The following GEMIN2 variants were observed in gnomAD, a reference collection of about 807,000 sequenced individuals.
GEMIN2 encodes gem-associated protein 2.
Under a neutral mutation model 45.8 loss-of-function variants are expected in GEMIN2, and 37 were observed. That is an observed-to-expected ratio of 0.81 (90% CI 0.62 to 1.06). The LOEUF (loss-of-function observed/expected upper bound fraction) is 1.06. GEMIN2 is among the 50% of genes least tolerant of loss of function. The pLI is 0.00. For synonymous variants in GEMIN2, 101 were observed against 111.5 expected (o/e 0.91, Z 0.60); for missense variants, 335 against 321.8 (o/e 1.04, Z -0.31).
intron 7 of GEMIN2, 137 bp downstream of exon 7, chr14:39,128,485 CTTTTTT>C (rs71130820): frequency 0.012 from 1,769 of 148,378 alleles, 3 homozygotes; most frequent in Middle Eastern, 0.015. Flanking sequence ...TTTTTCTTTT[CTTTTTT>C]TTTTTTTTTT....
intron 9 of GEMIN2, 67 bp downstream of exon 9, chr14:39,133,786 AC>A: frequency 1.1e-6 from 1 of 918,946 alleles, no homozygotes; most frequent in South Asian, 1.7e-5. Context: ...CGTATTTATT[AC>A]ATTTGGTTTT....
At chr14:39,125,098 ATTG>A in intron 6 of GEMIN2, 62 bp downstream of exon 6, 1 of 827,622 alleles carries the variant, frequency 1.2e-6, no homozygotes, top group Non-Finnish European at 2.1e-6. Flanking sequence ...AAGTATTTGA[ATTG>A]TTAATACATA....
chr14:39,128,972 C>G (rs1344287585), intron 7 of GEMIN2, among the ~76,000 whole-genome samples: 1 of 152,102 alleles, frequency 6.6e-6, no homozygotes, highest in Non-Finnish European at 1.5e-5. Context: ...TAGATCTGGC[C>G]AGGCACAGTG....
At chr14:39,114,949 C>G (rs2052482059) in intron 2 of GEMIN2, 36 bp downstream of exon 2, 1 of 937,734 alleles carries the variant, frequency 1.1e-6, no homozygotes, top group Non-Finnish European at 1.8e-6. Context: ...TTACCCCCAA[C>G]CCCCCAATTA....
At chr14:39,122,606 A>T in intron 5 of GEMIN2, 63 bp downstream of exon 5, 1 of 820,216 alleles carries the variant, frequency 1.2e-6, no homozygotes, top group Non-Finnish European at 2.0e-6. Context: ...ACTTAATATA[A>T]GGGGTCAGCA....
At chr14:39,121,106 T>C (rs905250334) in intron 4 of GEMIN2, among the ~76,000 whole-genome samples, 1 of 152,212 alleles carries the variant, frequency 6.6e-6, no homozygotes, top group Non-Finnish European at 1.5e-5. Flanking sequence ...CATGTCTCTT[T>C]ACATGGGATA....
chr14:39,118,621 A>C (rs1369732975), intron 4 of GEMIN2, 22 bp downstream of exon 4: 3 of 1,105,714 alleles, frequency 2.7e-6, no homozygotes, highest in South Asian at 2.5e-5. Flanking sequence ...TCTCAGTTTT[A>C]AGATGTACAA....
Position 39,122,538 on chromosome 14 carries a change from G to A in GEMIN2, c.481G>A (p.Val161Ile). 1.4e-6 allele frequency: 2 copies of A among 1,466,652 alleles called. No homozygotes were observed. Among genetic ancestry groups the A allele is most frequent in the Non-Finnish European group, 9.5e-7 (1 of 1,049,214 alleles). 90.9% of individuals were successfully genotyped at this position (1,466,652 alleles called of 1,614,324 possible). A position where few individuals can be genotyped will look rare whatever the true frequency, so the allele number is the denominator to read the frequency against. Residue 161 changes from valine (V) to isoleucine (I), a missense_variant, in exon 5 of 10, where the codon GTA becomes ATA. Transcript: ENST00000308317. ...AAATGAAAGTCCTGGAATAGATTAT[G>A]TACAAGTAAGGGCTGTGTGGATAAA... ...ATNESPGIDY[V>I]QIGFPPLLSI...
At chr14:39,116,448 G>A (rs1158428766) in intron 2 of GEMIN2, among the ~76,000 whole-genome samples, 14 of 130,942 alleles carry the variant, frequency 1.1e-4, no homozygotes, top group Admixed American at 4.0e-4. Context: ...TCAGAGTCTC[G>A]CTCTGTCGCC....
At chr14:39,123,550 G>A (rs1215247790) in intron 5 of GEMIN2, among the ~76,000 whole-genome samples, 7 of 151,100 alleles carry the variant, frequency 4.6e-5, no homozygotes, top group Non-Finnish European at 7.4e-5. Context: ...CAAGAGCTGG[G>A]GAAACAAGCA....
intron 2 of GEMIN2, among the ~76,000 whole-genome samples, chr14:39,117,126 GC>G (rs1270774003): frequency 1.3e-5 from 2 of 151,986 alleles, no homozygotes; most frequent in East Asian, 3.9e-4. Flanking sequence ...TACAAAATTA[GC>G]CGGGTGTGGT....
intron 2 of GEMIN2, among the ~76,000 whole-genome samples, chr14:39,115,456 CTTTTTTTTTTT>C (rs35142656): frequency 1.6e-5 from 2 of 123,868 alleles, no homozygotes; most frequent in South Asian, 2.5e-4. Context: ...ATGTCTTACA[CTTTTTTTTTTT>C]TTTTTTTTGA....
chr14:39,118,955 T>C (rs1186163082), intron 4 of GEMIN2, among the ~76,000 whole-genome samples: 1 of 151,810 alleles, frequency 6.6e-6, no homozygotes, highest in Non-Finnish European at 1.5e-5. Context: ...TTAAAATTTT[T>C]TGTAGAGACA....
chr14:39,123,676 T>C (rs2052602137), intron 5 of GEMIN2, among the ~76,000 whole-genome samples: 1 of 126,526 alleles, frequency 7.9e-6, no homozygotes, highest in African/African-American at 3.0e-5. Context: ...ATGCTACATT[T>C]CAAAAATAGC....
At chr14:39,123,010 T>C (rs1045334404) in intron 5 of GEMIN2, among the ~76,000 whole-genome samples, 1 of 152,198 alleles carries the variant, frequency 6.6e-6, no homozygotes, top group African/African-American at 2.4e-5. Flanking sequence ...AATTAGATGC[T>C]TTAAAATGCA....
intron 7 of GEMIN2, among the ~76,000 whole-genome samples, chr14:39,129,752 G>C (rs535985219): frequency 1.3e-5 from 2 of 151,272 alleles, no homozygotes; most frequent in South Asian, 4.2e-4. Context: ...ATGTGTGTGT[G>C]TGTGTATATA....
intron 2 of GEMIN2, among the ~76,000 whole-genome samples, chr14:39,116,342 G>C (rs531163838): frequency 6.6e-5 from 10 of 152,120 alleles, no homozygotes; most frequent in Admixed American, 4.6e-4. Context: ...GGCCAGCAAA[G>C]GTCTCTCTAA....
At chr14:39,128,441 A>ATTATAATACTG in intron 7 of GEMIN2, 93 bp downstream of exon 7, 1 of 486,168 alleles carries the variant, frequency 2.1e-6, no homozygotes, top group Non-Finnish European at 3.7e-6. Flanking sequence ...CTCCTATAGG[A>ATTATAATACTG]TTATAATACT....
Position 39,114,908 on chromosome 14 carries a change from A to G in GEMIN2, c.217A>G (p.Ile73Val), listed in dbSNP as rs1456115081. Reference sequence around the variant, plus strand: ...GTTGAAAAGGAAGCAAAGTGTGAATATTTCTGTGAGTTTTATTAACCGTCT... The same window carrying G: ...GTTGAAAAGGAAGCAAAGTGTGAATGTTTCTGTGAGTTTTATTAACCGTCT... ...KKLKRKQSVN[I>V]SLSGCQPAPE... is the part of the protein sequence containing the mutation. Residue 73 changes from isoleucine to valine, a missense_variant, in exon 2 of 10, where the codon ATT becomes GTT. Coordinates refer to ENST00000308317, the MANE Select transcript of GEMIN2 (RefSeq NM_003616.3). 1 of 1,479,536 alleles carries G rather than the reference A, an allele frequency of 6.8e-7. No homozygotes were observed. Among genetic ancestry groups the G allele is most frequent in the African/African-American group, 1.4e-5 (1 of 72,240 alleles). 91.7% of individuals were successfully genotyped at this position (1,479,536 alleles called of 1,614,324 possible).
Sources: allele counts gnomAD v4.1 joint callset (sites outside exome capture counted in the v4.1 genomes callset), GRCh38; gene constraint gnomAD v4.1.1; transcripts MANE v1.5; gene names NCBI Gene and HGNC (gene_info 2026-07-23, HGNC 2026-07-21).